The following MIGA2 variants were observed in gnomAD, a reference collection of about 807,000 sequenced individuals.
MIGA2 encodes mitoguardin 2, also known as family with sequence similarity 73, member B.
MIGA2 carries 36 observed loss-of-function variants against 69.9 expected under a neutral mutation model. The observed-to-expected ratio is 0.52, with a 90% CI of 0.39 to 0.68. MIGA2 has a LOEUF of 0.68. Among genes scored for constraint, MIGA2 ranks in the 30% least tolerant of loss-of-function variants. The probability of loss-of-function intolerance (pLI) is 0.00; values close to 1 mark genes in which losing one functional copy is unlikely to be tolerated. For synonymous variants in MIGA2, 333 were observed against 349.2 expected, an observed-to-expected ratio of 0.95 and a Z score of 0.52; for missense variants, 660 against 787.7, an observed-to-expected ratio of 0.84 and a Z score of 1.94.
intron 2 of MIGA2, 23 bp downstream of exon 2, chr9:129,040,713 C>T (rs1472028129): frequency 4.4e-6 from 7 of 1,603,356 alleles, no homozygotes; most frequent in African/African-American, 1.3e-5. Context: ...GTGGGTTGTA[C>T]CTCTGGTCTA....
chr9:129,059,930 G>A lies in MIGA2; in HGVS notation c.794-620G>A, dbSNP rs954297128. On this transcript the variant is annotated intron_variant, in intron 7 of 15. Coordinates refer to ENST00000684074, the MANE Select transcript of MIGA2 (RefSeq NM_001329990.2). This position sits in a 1 kb window ranked among gnomAD's most constrained non-coding sequence, Gnocchi z 5.6. ...GCCCTGGCTTCTCCCCACGTGCTCT[G>A]GGTGTGGTTTCTCTGTTGGAGGAAT... 2.6e-5 allele frequency among the ~76,000 whole-genome samples: 4 copies of A among 152,118 alleles called. No individual in the cohort carries two copies. The highest frequency in any genetic ancestry group is 5.9e-5 in the Non-Finnish European group (4 of 68,022).
At position 129,069,421 on chromosome 9, in the gene MIGA2, G is replaced by T; in HGVS notation, c.1458+292G>T. The stretch of plus-strand genomic sequence containing the variant: ...CTGGCCTGGTGCAGGCGTCTCGGTG[G>T]GGGCAGGATACCCAGGAGCAAGCAG... On this transcript the variant is annotated intron_variant, in intron 14 of 15. Transcript: ENST00000684074. This position sits in a 1 kb window ranked among gnomAD's most constrained non-coding sequence, Gnocchi z 4.9. 2 of 552,156 alleles carry T rather than the reference G, an allele frequency of 3.6e-6. No individual in the cohort carries two copies. Among genetic ancestry groups the T allele is most frequent in the Non-Finnish European group, 6.5e-6 (2 of 307,112 alleles). 34.2% of individuals were successfully genotyped at this position (552,156 alleles called of 1,614,324 possible). A position where few individuals can be genotyped will look rare whatever the true frequency, so the allele number is the denominator to read the frequency against.
rs1846544855 is a variant in MIGA2, at chr9:129,069,386, GGGCT to G, written c.1458+261_1458+264del. ...CGGATACCCTAGGGTAGTGGCCACA[GGGCT>G]GGCAGCTGGCCTGGTGCAGGCGTCT... On this transcript the variant is annotated intron_variant, in intron 14 of 15. Transcript: ENST00000684074. This position sits in a 1 kb window ranked among gnomAD's most constrained non-coding sequence, Gnocchi z 4.9. 1 of 572,952 alleles carries G rather than the reference GGGCT, an allele frequency of 1.7e-6. No individual in the cohort carries two copies. Among genetic ancestry groups the G allele is most frequent in the Non-Finnish European group, 3.1e-6 (1 of 320,676 alleles). The allele number at this position is 572,952 out of a possible 1,614,324, so 35.5% of individuals were successfully genotyped here.
intron 11 of MIGA2, among the ~76,000 whole-genome samples, chr9:129,065,718 C>T (rs981975370): frequency 2.0e-5 from 3 of 152,148 alleles, no homozygotes. Flanking sequence ...GGGACATATA[C>T]CAGTAACTGG....
At position 129,068,403 on chromosome 9, in the gene MIGA2, C is replaced by T. The variant is rs760061755; in HGVS notation, c.1404+71C>T. The T allele has an allele frequency of 6.3e-7, 1 of 1,582,078 alleles. No individual in the cohort carries two copies. Among genetic ancestry groups the T allele is most frequent in the South Asian group, 1.1e-5 (1 of 88,546 alleles). ...CCGTGTGGTTGCCTGGCTCCGTCCC[C>T]TCTGTCCCTAGCACTGGCACCAGGG... On this transcript the variant is annotated intron_variant, in intron 13 of 15. Coordinates refer to ENST00000684074, the MANE Select transcript of MIGA2 (RefSeq NM_001329990.2). The surrounding 1 kb of genome is among the most constrained non-coding windows in gnomAD (Gnocchi z 4.1).
At position 129,059,082 on chromosome 9, in the gene MIGA2, G is replaced by A. The variant is rs533469572; in HGVS notation, c.676-72G>A. On this transcript the variant is annotated intron_variant, in intron 6 of 15. Coordinates refer to ENST00000684074, the MANE Select transcript of MIGA2 (RefSeq NM_001329990.2). The surrounding 1 kb of genome is among the most constrained non-coding windows in gnomAD (Gnocchi z 5.6). ...CTCCTCCCCTTTCCCCAGGGACCTG[G>A]GGGTGAGGGAAGGGGCCATTTTCAT... is the stretch of plus-strand genomic sequence containing the variant. The A allele has an allele frequency of 5.7e-4, 782 of 1,372,378 alleles. 2 individuals are homozygous for A. The highest frequency in any genetic ancestry group is 3.4e-3 in the Middle Eastern group (19 of 5,554). 85.0% of individuals were successfully genotyped at this position (1,372,378 alleles called of 1,614,324 possible).
Position 129,070,249 on chromosome 9 carries a change from C to T in MIGA2, c.1578C>T (p.His526=), listed in dbSNP as rs1410853632. The T allele has an allele frequency of 6.2e-7, 1 of 1,611,236 alleles. No individual in the cohort carries two copies. Among genetic ancestry groups the T allele is most frequent in the East Asian group, 2.2e-5 (1 of 44,822 alleles). The change falls in exon 16 of 16, where the codon CAC becomes CAT. Residue 526 remains histidine (H), a splice_region_variant and synonymous_variant. Transcript: ENST00000684074. ...TGACACCAGCCCTGCTCCCCCAGCACCAGATTGTGCAGTACCTGAGGGACA... is the reference window on the plus strand; with the variant it reads ...TGACACCAGCCCTGCTCCCCCAGCATCAGATTGTGCAGTACCTGAGGGACA... ...QLAEVCAFFK[H]QIVQYLRDMF...
At chr9:129,043,786 T>A (rs1845053586) in intron 3 of MIGA2, among the ~76,000 whole-genome samples, 1 of 151,364 alleles carries the variant, frequency 6.6e-6, no homozygotes, top group African/African-American at 2.4e-5. Flanking sequence ...CTGCAACCTC[T>A]GCATCCCGGG....
Position 129,049,496 on chromosome 9 carries a change from A to G in MIGA2, c.536A>G (p.Gln179Arg), listed in dbSNP as rs1280607158. ...SDGNAESLYM[Q>R]GMELFEEALQ... is the part of the protein sequence containing the mutation. ...GGCAATGCAGAGAGCCTGTACATGC[A>G]AGGTGTGGCCAGGAGGTGCCTCAGC... The change falls in exon 5 of 16, where the codon CAA becomes CGA. Residue 179 changes from glutamine (Q) to arginine (R), a missense_variant and splice_region_variant. By Grantham distance (43) the Gln-to-Arg change is conservative. Coordinates refer to ENST00000684074, the MANE Select transcript of MIGA2 (RefSeq NM_001329990.2). 6.2e-7 allele frequency: 1 copy of G among 1,613,142 alleles called. No individual in the cohort carries two copies. The highest frequency in any genetic ancestry group is 8.5e-7 in the Non-Finnish European group (1 of 1,179,704).
intron 1 of MIGA2, among the ~76,000 whole-genome samples, chr9:129,038,399 C>T (rs1355244662): frequency 1.3e-5 from 2 of 152,128 alleles, no homozygotes; most frequent in Non-Finnish European, 2.9e-5. Context: ...TCCCGGGAGA[C>T]CTTGAAGGCA....
intron 6 of MIGA2, among the ~76,000 whole-genome samples, chr9:129,052,351 A>C (rs891332328): frequency 7.6e-6 from 1 of 132,432 alleles, no homozygotes; most frequent in Non-Finnish European, 1.6e-5. Context: ...TCGAACTCCT[A>C]ACTTCAAGTG....
intron 6 of MIGA2, among the ~76,000 whole-genome samples, chr9:129,058,609 C>T (rs768820587): frequency 6.6e-6 from 1 of 150,652 alleles, no homozygotes; most frequent in Non-Finnish European, 1.5e-5. Flanking sequence ...AAGCAATTCT[C>T]CTGCCTCAGC....
In MIGA2 at chr9:129,059,206, G is replaced by C; in HGVS notation, c.728G>C (p.Arg243Pro). The change falls in exon 7 of 16, where the codon CGT becomes CCT. Residue 243 changes from arginine to proline, a missense_variant. By Grantham distance (103) the Arg-to-Pro change is moderately radical. This residue lies in a region of MIGA2 where 386 missense variants were observed against 402.0 expected (regional missense o/e 0.96). Transcript: ENST00000684074. This position sits in a 1 kb window ranked among gnomAD's most constrained non-coding sequence, Gnocchi z 5.6. The part of the protein sequence containing the change: ...FAEKLESLLH[R>P]AYHLQEEFGS... ...GAGAAGCTGGAGTCCCTGCTGCACC[G>C]TGCCTACCACCTGCAGGAGGAGTTC... 1 of 1,611,776 alleles carries C rather than the reference G, an allele frequency of 6.2e-7. No individual in the cohort carries two copies.
intron 6 of MIGA2, among the ~76,000 whole-genome samples, chr9:129,052,556 C>G (rs1413102002): frequency 6.6e-6 from 1 of 152,074 alleles, no homozygotes; most frequent in Non-Finnish European, 1.5e-5. Flanking sequence ...GCAGGAGGAC[C>G]AGTTGAGCCC....
In MIGA2 at chr9:129,049,889, G is replaced by A. The variant is rs766539884; in HGVS notation, c.601G>A (p.Gly201Arg). ...GCAGGCACTAAGCGTGGGCCAGCGG[G>A]GGGACAGCGGCAGCACCCCCATGCC... is the stretch of plus-strand genomic sequence containing the variant. Reference protein sequence around the residue: ...WEQALSVGQRGDSGSTPMPRD... With the variant: ...WEQALSVGQRRDSGSTPMPRD... The change falls in exon 6 of 16, where the codon GGG becomes AGG. Residue 201 changes from glycine (G) to arginine (R), a missense_variant. Coordinates refer to ENST00000684074, the MANE Select transcript of MIGA2 (RefSeq NM_001329990.2). 14 of 1,613,840 alleles carry A rather than the reference G, an allele frequency of 8.7e-6. No individual in the cohort carries two copies. In the African/African-American group the frequency reaches 9.3e-5, roughly 11 times the overall value.
chr9:129,046,418 GT>G (rs1314680272), intron 3 of MIGA2, among the ~76,000 whole-genome samples: 1 of 151,700 alleles, frequency 6.6e-6, no homozygotes, highest in Non-Finnish European at 1.5e-5. Context: ...GAGCCCAGGA[GT>G]TTGAGACCAG....
In MIGA2 at chr9:129,068,379, C is replaced by G; in HGVS notation, c.1404+47C>G. On this transcript the variant is annotated intron_variant, in intron 13 of 15. Coordinates refer to ENST00000684074, the MANE Select transcript of MIGA2 (RefSeq NM_001329990.2). This position sits in a 1 kb window ranked among gnomAD's most constrained non-coding sequence, Gnocchi z 4.1. ...AGACCCACACTTGCTCACATCAGCC[C>G]GTGTGGTTGCCTGGCTCCGTCCCCT... 6.3e-7 allele frequency: 1 copy of G among 1,595,946 alleles called. No individual in the cohort carries two copies. Among genetic ancestry groups the G allele is most frequent in the Non-Finnish European group, 8.5e-7 (1 of 1,178,232 alleles).
intron 11 of MIGA2, among the ~76,000 whole-genome samples, chr9:129,065,237 C>CTGT (rs1189497438): frequency 6.6e-6 from 1 of 152,018 alleles, no homozygotes; most frequent in Non-Finnish European, 1.5e-5. Flanking sequence ...GAGTTCAAGG[C>CTGT]TGCAGTGAGC....
chr9:129,046,809 C>T (rs540185422), intron 3 of MIGA2, among the ~76,000 whole-genome samples: 1 of 151,044 alleles, frequency 6.6e-6, no homozygotes, highest in African/African-American at 2.4e-5. Context: ...GAGACAGTCT[C>T]ACTCTGTTGC....
Sources: allele counts gnomAD v4.1 joint callset (sites outside exome capture counted in the v4.1 genomes callset), GRCh38; gene constraint gnomAD v4.1.1; regional missense constraint gnomAD v4.1.1; non-coding constraint Gnocchi (gnomAD v3.1); transcripts MANE v1.5; gene names NCBI Gene and HGNC (gene_info 2026-07-23, HGNC 2026-07-21).